The following KREMEN1 variants were observed in gnomAD, a reference collection of about 807,000 sequenced individuals.
KREMEN1 encodes kremen protein 1.
A neutral mutation model predicts 46.5 loss-of-function variants in KREMEN1; 30 were observed. The observed-to-expected ratio is 0.65, with a 90% confidence interval of 0.48 to 0.88. KREMEN1 has a LOEUF of 0.88. Among genes scored for constraint, KREMEN1 ranks in the 40% least tolerant of loss-of-function variants. The pLI is 0.00. For missense variants in KREMEN1, 533 were observed against 596.9 expected (o/e 0.89, Z 1.11); for synonymous variants, 214 against 230.6 (o/e 0.93, Z 0.65).
chr22:29,088,306 T>TACACAC (rs199764170), intron 1 of KREMEN1, among the ~76,000 whole-genome samples: 3,130 of 149,850 alleles, frequency 0.021, 142 homozygotes, highest in South Asian at 0.16. Flanking sequence ...CACGCGTGCA[T>TACACAC]ACACACACAC....
chr22:29,162,139 C>A (rs981659122), intron 9 of KREMEN1, among the ~76,000 whole-genome samples: 4 of 151,616 alleles, frequency 2.6e-5, no homozygotes, highest in Admixed American at 2.6e-4. Flanking sequence ...AAGATTAATT[C>A]ACTATGATCA....
intron 9 of KREMEN1, among the ~76,000 whole-genome samples, chr22:29,160,821 A>C (rs984142431): frequency 2.0e-5 from 3 of 152,212 alleles, no homozygotes; most frequent in Non-Finnish European, 4.4e-5. Context: ...GAGGAACTAG[A>C]AAAACAAGAA....
intron 3 of KREMEN1, among the ~76,000 whole-genome samples, chr22:29,120,490 A>T (rs1431760553): frequency 7.5e-6 from 1 of 133,544 alleles, no homozygotes; most frequent in Non-Finnish European, 1.6e-5. Context: ...GGGAGGAAGG[A>T]GAGGTGATAA....
chr22:29,150,539 G>T (rs1021439722), downstream of KREMEN1, among the ~76,000 whole-genome samples: 1 of 152,206 alleles, frequency 6.6e-6, no homozygotes, highest in Non-Finnish European at 1.5e-5. Flanking sequence ...CATTGTCTCT[G>T]TTCAAATGAG....
At chr22:29,133,157 A>T (rs886395651) in intron 5 of KREMEN1, among the ~76,000 whole-genome samples, 20 of 151,764 alleles carry the variant, frequency 1.3e-4, no homozygotes, top group Admixed American at 1.2e-3. Flanking sequence ...CTGAGGCAGG[A>T]GAATGGCGTG....
At chr22:29,138,129 G>A (rs1305333736) in intron 6 of KREMEN1, among the ~76,000 whole-genome samples, 1 of 152,256 alleles carries the variant, frequency 6.6e-6, no homozygotes, top group Non-Finnish European at 1.5e-5. Context: ...GAGCACATGT[G>A]TGCCGGGCAC....
At chr22:29,135,226 T>C (rs9306462) in intron 5 of KREMEN1, among the ~76,000 whole-genome samples, 7,779 of 152,246 alleles carry the variant, frequency 0.051, 675 homozygotes, top group African/African-American at 0.18. Context: ...TTTGCTTCTG[T>C]TCTTCCCCTA....
intron 3 of KREMEN1, among the ~76,000 whole-genome samples, chr22:29,099,763 T>G (rs555814098): frequency 6.6e-6 from 1 of 152,240 alleles, no homozygotes; most frequent in African/African-American, 2.4e-5. Flanking sequence ...TTGGCCAGGA[T>G]GGTCTCGATC....
At chr22:29,127,702 G>T (rs533789379) in intron 5 of KREMEN1, among the ~76,000 whole-genome samples, 4 of 151,536 alleles carry the variant, frequency 2.6e-5, no homozygotes, top group African/African-American at 9.7e-5. Context: ...TGAACAGAGA[G>T]TAACTGTATG....
chr22:29,090,047 A>G (rs2037783863), intron 1 of KREMEN1, among the ~76,000 whole-genome samples: 1 of 152,226 alleles, frequency 6.6e-6, no homozygotes, highest in African/African-American at 2.4e-5. Context: ...ATAAACATGT[A>G]AGCTCCATGA....
At chr22:29,107,218 CTTTTT>C (rs1188000476) in intron 3 of KREMEN1, among the ~76,000 whole-genome samples, 2 of 111,906 alleles carry the variant, frequency 1.8e-5, no homozygotes, top group Middle Eastern at 4.8e-3. Flanking sequence ...ACCATTTATA[CTTTTT>C]TTTTTTTTTT....
In KREMEN1 at chr22:29,123,073, CTGTAAAA is replaced by C. The variant is rs1391986387; in HGVS notation, c.477+1601_477+1607del. Among the ~76,000 whole-genome samples the C allele has an allele frequency of 2.7e-5, 4 of 150,206 alleles. No individual in the cohort carries two copies. In the East Asian group the frequency reaches 7.9e-4, roughly 30 times the overall value. On this transcript the variant is annotated intron_variant, in intron 4 of 8. Coordinates refer to ENST00000400335, the MANE Select transcript of KREMEN1 (RefSeq NM_001039570.3). ...AACTCAAAATGTATCCCAAATCTAA[CTGTAAAA>C]TGTAAAATTATAAAACTTCTAGAAG...
intron 1 of KREMEN1, among the ~76,000 whole-genome samples, chr22:29,086,125 C>A (rs752260348): frequency 2.0e-5 from 3 of 151,272 alleles, no homozygotes; most frequent in Non-Finnish European, 4.4e-5. Flanking sequence ...TGAGTACTTT[C>A]CAGTCATATC....
intron 3 of KREMEN1, among the ~76,000 whole-genome samples, chr22:29,105,482 C>CACACACACACACAT (rs2145783271): frequency 8.4e-6 from 1 of 118,710 alleles, no homozygotes; most frequent in South Asian, 2.5e-4. Flanking sequence ...CACACATACA[C>CACACACACACACAT]ACACACACAC....
At chr22:29,086,668 G>T (rs1047164674) in intron 1 of KREMEN1, among the ~76,000 whole-genome samples, 1 of 152,204 alleles carries the variant, frequency 6.6e-6, no homozygotes, top group Non-Finnish European at 1.5e-5. Flanking sequence ...AGTGGTGCAA[G>T]TTCCCACCGG....
intron 9 of KREMEN1, among the ~76,000 whole-genome samples, chr22:29,164,861 C>A (rs2145878332): frequency 6.6e-6 from 1 of 152,148 alleles, no homozygotes; most frequent in South Asian, 2.1e-4. Flanking sequence ...ACCTGTAATC[C>A]CAGCACTTTG....
intron 1 of KREMEN1, among the ~76,000 whole-genome samples, chr22:29,077,459 C>T (rs1231157947): frequency 1.3e-5 from 2 of 152,326 alleles, no homozygotes; most frequent in African/African-American, 4.8e-5. Flanking sequence ...TAGCAGTTCT[C>T]CTGCCTCAGC....
At chr22:29,120,501 A>G (rs76865167) in intron 3 of KREMEN1, among the ~76,000 whole-genome samples, 2 of 69,186 alleles carry the variant, frequency 2.9e-5, no homozygotes, top group African/African-American at 4.7e-5. Flanking sequence ...GAGGTGATAA[A>G]GGAAACGGAG....
In KREMEN1 at chr22:29,137,416, T is replaced by G; in HGVS notation, c.706T>G (p.Tyr236Asp). 6.3e-7 allele frequency: 1 copy of G among 1,580,854 alleles called. No homozygotes were observed. Among genetic ancestry groups the G allele is most frequent in the Non-Finnish European group, 8.7e-7 (1 of 1,154,954 alleles). Residue 236 changes from tyrosine (Y) to aspartate (D), a missense_variant, in exon 6 of 9, where the codon TAT becomes GAT. Physicochemically the swap from Tyr to Asp is radical, Grantham distance 160 (BLOSUM62 -3). Transcript: ENST00000400335. ...CTATTCCCCTGACTTCCCCGACACCTATGCCACGGGGAGGGTCTGCTACTG... is the reference window on the plus strand; with the variant it reads ...CTATTCCCCTGACTTCCCCGACACCGATGCCACGGGGAGGGTCTGCTACTG... ...VVYSPDFPDTYATGRVCYWTI... is the reference protein window; with the variant it reads ...VVYSPDFPDTDATGRVCYWTI...
Sources: allele counts gnomAD v4.1 joint callset (sites outside exome capture counted in the v4.1 genomes callset), GRCh38; gene constraint gnomAD v4.1.1; transcripts MANE v1.5; gene names NCBI Gene and HGNC (gene_info 2026-07-23, HGNC 2026-07-21).